SCAPER: variants seen among roughly 807,000 people sequenced by gnomAD.
SCAPER encodes the protein S phase cyclin A-associated protein in the endoplasmic reticulum.
In SCAPER, 98 loss-of-function variants were observed where a neutral mutation model predicts 182.2. The ratio of observed to expected loss-of-function variants is 0.54; its 90% CI spans 0.46 to 0.64. SCAPER has a LOEUF of 0.64. Among genes scored for constraint, SCAPER ranks in the 30% least tolerant of loss-of-function variants. SCAPER has a pLI of 0.00. For missense variants in SCAPER, 1,432 were observed against 1,690.0 expected, an observed-to-expected ratio of 0.85 and a Z score of 2.68; for synonymous variants, 605 against 564.6, an observed-to-expected ratio of 1.07 and a Z score of -1.01.
At chr15:76,770,199 G>T (rs1238972214) in intron 10 of SCAPER, among the ~76,000 whole-genome samples, 48 of 145,552 alleles carry the variant, frequency 3.3e-4, no homozygotes, top group Admixed American at 1.3e-3. Flanking sequence ...TACCTGGGCT[G>T]GTCAGGGGGT....
At position 76,712,751 on chromosome 15, in the gene SCAPER, G is replaced by C. The variant is rs2059659419; in HGVS notation, c.2166-6767C>G. 2.0e-5 allele frequency among the ~76,000 whole-genome samples: 3 copies of C among 152,022 alleles called. No homozygotes were observed. In the South Asian group the frequency reaches 6.2e-4, roughly 32 times the overall value. On this transcript the variant is annotated intron_variant, in intron 17 of 31. Coordinates refer to ENST00000563290, the MANE Select transcript of SCAPER (RefSeq NM_020843.4). ...TTTGCTCTCTGTTTGTCTGTTATTG[G>C]TGTATAAGAATGCTTGTGATTTTTG...
intron 22 of SCAPER, among the ~76,000 whole-genome samples, chr15:76,579,334 A>G (rs571368225): frequency 6.6e-6 from 1 of 151,634 alleles, no homozygotes; most frequent in Admixed American, 6.6e-5. Flanking sequence ...ACAAGAAGAT[A>G]TGAATAGAAA....
intron 23 of SCAPER, among the ~76,000 whole-genome samples, chr15:76,568,804 T>C (rs2047229209): frequency 6.6e-6 from 1 of 152,086 alleles, no homozygotes; most frequent in Non-Finnish European, 1.5e-5. Context: ...ACAAATAAAC[T>C]GGGTAGAAAA....
intron 28 of SCAPER, among the ~76,000 whole-genome samples, chr15:76,378,238 A>C (rs1039598309): frequency 4.0e-5 from 6 of 151,396 alleles, no homozygotes; most frequent in South Asian, 4.2e-4. Flanking sequence ...CTAACTCTGC[A>C]GCAGGTCAGA....
intron 8 of SCAPER, among the ~76,000 whole-genome samples, chr15:76,786,103 C>T (rs754059673): frequency 2.6e-5 from 4 of 151,760 alleles, no homozygotes; most frequent in South Asian, 2.1e-4. Context: ...CCTAGGTGGG[C>T]GGATCACAAG....
At chr15:76,481,382 CTG>C (rs1198958406) in intron 24 of SCAPER, among the ~76,000 whole-genome samples, 1 of 152,136 alleles carries the variant, frequency 6.6e-6, no homozygotes, top group Non-Finnish European at 1.5e-5. Flanking sequence ...GATTATATGA[CTG>C]TTCATTTAAC....
At chr15:76,555,197 T>C (rs145548688) in intron 23 of SCAPER, among the ~76,000 whole-genome samples, 261 of 152,280 alleles carry the variant, frequency 1.7e-3, no homozygotes, top group Middle Eastern at 0.01. Flanking sequence ...CTAAGGGAAT[T>C]CATTACCAGC....
chr15:76,528,573 T>C (rs570033426), intron 23 of SCAPER, among the ~76,000 whole-genome samples: 2 of 152,324 alleles, frequency 1.3e-5, no homozygotes, highest in African/African-American at 4.8e-5. Flanking sequence ...TTTAGTCTCT[T>C]AAACACTTTT....
chr15:76,459,594 AAT>A (rs2049003068), intron 25 of SCAPER, among the ~76,000 whole-genome samples: 2 of 147,682 alleles, frequency 1.4e-5, no homozygotes, highest in Admixed American at 1.4e-4. Flanking sequence ...TTGTTGGATG[AAT>A]AGTTTGTAAA....
chr15:76,873,327 A>AGGCAGGC (rs2072895388), intron 2 of SCAPER, among the ~76,000 whole-genome samples: 2 of 102,906 alleles, frequency 1.9e-5, no homozygotes, highest in Non-Finnish European at 4.1e-5. Context: ...GGAAGGAAGG[A>AGGCAGGC]AGGAAGGCAG....
At chr15:76,739,252 A>C (rs1227998695) in intron 15 of SCAPER, among the ~76,000 whole-genome samples, 2 of 152,150 alleles carry the variant, frequency 1.3e-5, no homozygotes, top group Non-Finnish European at 2.9e-5. Flanking sequence ...ACATTGTACA[A>C]ATTTATTTTT....
At chr15:76,445,894 G>A (rs1413932388) in intron 25 of SCAPER, among the ~76,000 whole-genome samples, 1 of 152,186 alleles carries the variant, frequency 6.6e-6, no homozygotes, top group Non-Finnish European at 1.5e-5. Flanking sequence ...ACCAAGGGAT[G>A]GCGAGAGGGG....
chr15:76,840,770 G>T (rs1184257923), intron 5 of SCAPER, among the ~76,000 whole-genome samples: 11 of 152,242 alleles, frequency 7.2e-5, no homozygotes, highest in Admixed American at 4.6e-4. Flanking sequence ...TCAGTAAAAA[G>T]TAATATGGTA....
intron 27 of SCAPER, among the ~76,000 whole-genome samples, chr15:76,386,499 T>C (rs1164455874): frequency 6.6e-6 from 1 of 152,084 alleles, no homozygotes; most frequent in Non-Finnish European, 1.5e-5. Context: ...CGAACAAATA[T>C]ATAATATGTA....
chr15:76,872,622 T>TA (rs2072808198), intron 2 of SCAPER, among the ~76,000 whole-genome samples: 1 of 151,680 alleles, frequency 6.6e-6, no homozygotes, highest in South Asian at 2.1e-4. Context: ...TATAGTATAA[T>TA]AATCTAGGTT....
chr15:76,473,616 T>C (rs543891039), intron 24 of SCAPER, among the ~76,000 whole-genome samples: 31 of 152,224 alleles, frequency 2.0e-4, no homozygotes, highest in African/African-American at 6.5e-4. Flanking sequence ...ACCAGCAGTA[T>C]TGGGAACTTG....
chr15:76,496,602 G>A (rs148794998), intron 24 of SCAPER, among the ~76,000 whole-genome samples: 1 of 152,212 alleles, frequency 6.6e-6, no homozygotes, highest in African/African-American at 2.4e-5. Flanking sequence ...TTTAATGAAT[G>A]TCATTTTCTA....
At chr15:76,666,652 C>T (rs985168798) in intron 20 of SCAPER, among the ~76,000 whole-genome samples, 3 of 152,040 alleles carry the variant, frequency 2.0e-5, no homozygotes, top group Admixed American at 2.0e-4. Flanking sequence ...AGCAACTTTA[C>T]ATTAGTTAAT....
chr15:76,399,995 A>T (rs1266214756), intron 27 of SCAPER, among the ~76,000 whole-genome samples: 4 of 130,674 alleles, frequency 3.1e-5, no homozygotes, highest in Admixed American at 8.1e-5. Context: ...ACAGAGCGAG[A>T]CTCCGTCTCA....
Sources: gnomAD v4.1 joint callset for allele counts (sites outside exome capture counted in the v4.1 genomes callset) on GRCh38, gnomAD v4.1.1 for gene constraint, MANE v1.5 for transcripts, NCBI Gene and HGNC (gene_info 2026-07-23, HGNC 2026-07-21) for gene names.